The following MSI2 variants were observed in gnomAD, a reference collection of about 807,000 sequenced individuals.
MSI2 encodes the protein musashi RNA binding protein 2.
MSI2 carries 17 observed loss-of-function variants against 45.6 expected under a neutral mutation model. The observed-to-expected ratio is 0.37, with a 90% CI of 0.26 to 0.56. The LOEUF is 0.56. Ranked by LOEUF, MSI2 falls within the 20% of genes least tolerant of loss-of-function variation. The pLI is 0.77. For missense variants in MSI2, 293 were observed against 444.2 expected, an observed-to-expected ratio of 0.66 and a Z score of 3.06; for synonymous variants, 156 against 158.2, an observed-to-expected ratio of 0.99 and a Z score of 0.11.
At chr17:57,578,018 C>G (rs1218346275) in intron 7 of MSI2, among the ~76,000 whole-genome samples, 2 of 152,214 alleles carry the variant, frequency 1.3e-5, no homozygotes, top group African/African-American at 4.8e-5. Context: ...CGCTCCTCCC[C>G]TTGTTGAGAA....
intron 6 of MSI2, among the ~76,000 whole-genome samples, chr17:57,412,489 C>A (rs1323746240): frequency 6.6e-6 from 1 of 152,172 alleles, no homozygotes; most frequent in African/African-American, 2.4e-5. Context: ...TGTCCCTTAA[C>A]GTACTTTGCC....
intron 6 of MSI2, among the ~76,000 whole-genome samples, chr17:57,470,096 G>C (rs936646714): frequency 1.3e-5 from 2 of 152,026 alleles, no homozygotes; most frequent in South Asian, 4.2e-4. Flanking sequence ...GGCTGACTGC[G>C]GGCCTGTCAG....
chr17:57,440,089 G>A (rs1416361814), intron 6 of MSI2, among the ~76,000 whole-genome samples: 2 of 152,008 alleles, frequency 1.3e-5, no homozygotes, highest in Admixed American at 6.6e-5. Flanking sequence ...AGTCACTTGT[G>A]GTGTTTTGAC....
chr17:57,636,228 AG>A (rs1206224527), intron 10 of MSI2, among the ~76,000 whole-genome samples: 1 of 152,136 alleles, frequency 6.6e-6, no homozygotes, highest in East Asian at 1.9e-4. Flanking sequence ...CAGGAGGTGG[AG>A]GAGCTGGCGT....
chr17:57,559,575 T>C (rs893340396), intron 7 of MSI2, among the ~76,000 whole-genome samples: 5 of 152,178 alleles, frequency 3.3e-5, no homozygotes, highest in African/African-American at 9.7e-5. Flanking sequence ...GTGGTGAACA[T>C]GCAACACCCC....
intron 6 of MSI2, among the ~76,000 whole-genome samples, chr17:57,442,071 T>A (rs182088418): frequency 6.7e-6 from 1 of 150,194 alleles, no homozygotes; most frequent in African/African-American, 2.5e-5. Flanking sequence ...AGAGTCTTGC[T>A]CTGTCTCCAG....
At chr17:57,686,453 T>A (rs969140648), downstream of MSI2, among the ~76,000 whole-genome samples, 1 of 152,306 alleles carries the variant, frequency 6.6e-6, no homozygotes, top group East Asian at 1.9e-4. Context: ...TATGAATGGG[T>A]TGAATTTTCT....
At chr17:57,305,738 G>A (rs1911825904) in intron 5 of MSI2, among the ~76,000 whole-genome samples, 1 of 152,158 alleles carries the variant, frequency 6.6e-6, no homozygotes, top group South Asian at 2.1e-4. Context: ...ACGAGTCCCT[G>A]GAGGCTAGGG....
intron 5 of MSI2, among the ~76,000 whole-genome samples, chr17:57,363,953 C>T (rs1917010230): frequency 6.6e-6 from 1 of 152,186 alleles, no homozygotes; most frequent in Non-Finnish European, 1.5e-5. Flanking sequence ...AGCCAGCTAA[C>T]GTGGTCCTTA....
Position 57,531,400 on chromosome 17 carries a change from C to T in MSI2, c.454+1676C>T, listed in dbSNP as rs553565712. On this transcript the variant is annotated intron_variant, in intron 7 of 13. Transcript: ENST00000284073. ...TATTAGCGTTATCATCACCTCCGTC[C>T]GGTTGGAAAAATAACCAAGGCTCAG... Among the ~76,000 whole-genome samples, 8 of 152,178 alleles carry T rather than the reference C, an allele frequency of 5.3e-5. No individual in the cohort carries two copies. In the East Asian group the frequency reaches 5.8e-4, roughly 11 times the overall value.
At chr17:57,297,791 G>A (rs1239834319) in intron 5 of MSI2, among the ~76,000 whole-genome samples, 4 of 152,074 alleles carry the variant, frequency 2.6e-5, no homozygotes, top group Non-Finnish European at 5.9e-5. Context: ...TCCCAACAAC[G>A]TGCACATCTT....
At chr17:57,514,361 CAG>C (rs1431480553) in intron 6 of MSI2, among the ~76,000 whole-genome samples, 12 of 152,306 alleles carry the variant, frequency 7.9e-5, no homozygotes, top group Non-Finnish European at 4.4e-5. Context: ...GGAGGGAAGA[CAG>C]GGGTGGACCA....
intron 6 of MSI2, among the ~76,000 whole-genome samples, chr17:57,460,159 A>G (rs1327434711): frequency 6.6e-6 from 1 of 150,636 alleles, no homozygotes; most frequent in African/African-American, 2.5e-5. Context: ...AAATAAATAA[A>G]TAAATAAATA....
intron 5 of MSI2, among the ~76,000 whole-genome samples, chr17:57,336,206 C>G (rs918028549): frequency 3.3e-5 from 5 of 152,090 alleles, no homozygotes; most frequent in African/African-American, 1.2e-4. Flanking sequence ...GAAGGTTGAG[C>G]TATGGGATCT....
Position 57,529,893 on chromosome 17 carries a change from G to A in MSI2, c.454+169G>A, listed in dbSNP as rs1230382341. ...ACGGAGAGTCCCAGTAGCACAAAGA[G>A]TTCCAGTACTGGATAGCTGAAAAAC... On this transcript the variant is annotated intron_variant, in intron 7 of 13. Coordinates refer to ENST00000284073, the MANE Select transcript of MSI2 (RefSeq NM_138962.4). The surrounding 1 kb of genome is among the most constrained non-coding windows in gnomAD (Gnocchi z 5.3). 6.6e-6 allele frequency among the ~76,000 whole-genome samples: 1 copy of A among 152,150 alleles called. No individual in the cohort carries two copies. The highest frequency in any genetic ancestry group is 2.4e-5 in the African/African-American group (1 of 41,444).
chr17:57,263,582 AT>A (rs1390281306), intron 5 of MSI2: 2 of 152,176 alleles, frequency 1.3e-5, no homozygotes, highest in Admixed American at 1.3e-4. Context: ...TAGTCATTTG[AT>A]CACTCAGAGC....
At chr17:57,533,678 G>GAC in intron 7 of MSI2, among the ~76,000 whole-genome samples, 1 of 152,332 alleles carries the variant, frequency 6.6e-6, no homozygotes, top group South Asian at 2.1e-4. Flanking sequence ...ATCCAGAAGT[G>GAC]CTCTTGATCA....
At chr17:57,697,219 ACT>A in the MSI2 span, among the ~76,000 whole-genome samples, 1 of 150,174 alleles carries the variant, frequency 6.7e-6, no homozygotes, top group African/African-American at 2.5e-5. Flanking sequence ...ACACTCCCAC[ACT>A]CACACCCACA....
intron 5 of MSI2, among the ~76,000 whole-genome samples, chr17:57,304,634 G>A (rs921760544): frequency 6.6e-6 from 1 of 151,976 alleles, no homozygotes; most frequent in Non-Finnish European, 1.5e-5. Context: ...TGTTGGGCCA[G>A]GCTGATCTCG....
Sources: gnomAD v4.1 joint callset for allele counts (sites outside exome capture counted in the v4.1 genomes callset) on GRCh38, gnomAD v4.1.1 for gene constraint, Gnocchi (gnomAD v3.1) non-coding constraint, MANE v1.5 for transcripts, NCBI Gene and HGNC (gene_info 2026-07-23, HGNC 2026-07-21) for gene names.